MYL1: variants seen among roughly 807,000 people sequenced by gnomAD.
MYL1 encodes the protein myosin light chain 1/3, skeletal muscle isoform.
A neutral mutation model predicts 21.8 loss-of-function variants in MYL1; 16 were observed. That is an observed-to-expected ratio of 0.74 (90% CI 0.50 to 1.12). The LOEUF (loss-of-function observed/expected upper bound fraction) is 1.12. Among genes scored for constraint, MYL1 ranks in the 50% most tolerant of loss-of-function variants. The probability of loss-of-function intolerance (pLI) is 0.00; values close to 1 mark genes in which losing one functional copy is unlikely to be tolerated. For synonymous variants in MYL1, 99 were observed against 85.2 expected (o/e 1.16, Z -0.89); for missense variants, 246 against 241.0 (o/e 1.02, Z -0.14).
chr2:210,314,856 G>A, intron 1 of MYL1, 55 bp downstream of exon 1: 1 of 1,599,708 alleles, frequency 6.3e-7, no homozygotes, highest in Non-Finnish European at 8.6e-7. Context: ...AGTTCCTAGA[G>A]ATCCTTACTA....
Position 210,306,720 on chromosome 2 carries a change from C to CT in MYL1, c.133-4206dup, listed in dbSNP as rs747993827. 3.4e-3 allele frequency among the ~76,000 whole-genome samples: 485 copies of CT among 143,044 alleles called. 3 individuals are homozygous for CT. The highest frequency in any genetic ancestry group is 0.011 in the East Asian group (53 of 4,928). The allele number at this position is 143,044 out of a possible 152,430, so 93.8% of individuals were successfully genotyped here. A position where few individuals can be genotyped will look rare whatever the true frequency, so the allele number is the denominator to read the frequency against. Reference sequence around the variant, plus strand: ...AATCCAATTTTTTTCCTCTGGCACACTTTTTTTTTTTTTTGAGATGGAGTT... The same window carrying CT: ...AATCCAATTTTTTTCCTCTGGCACACTTTTTTTTTTTTTTTGAGATGGAGTT... On this transcript the variant is annotated intron_variant, in intron 1 of 6. Transcript: ENST00000352451.
intron 1 of MYL1, among the ~76,000 whole-genome samples, chr2:210,313,429 G>A (rs1455155916): frequency 5.3e-5 from 8 of 151,934 alleles, no homozygotes; most frequent in Non-Finnish European, 1.2e-4. Context: ...TAGACAGTAT[G>A]CATCTATAAA....
In MYL1 at chr2:210,302,528, A is replaced by G. The variant is rs1415622834; in HGVS notation, c.133-13T>C. 2 of 1,608,364 alleles carry G rather than the reference A, an allele frequency of 1.2e-6. No homozygotes were observed. The highest frequency in any genetic ancestry group is 1.7e-6 in the Non-Finnish European group (2 of 1,178,406). Reference sequence around the variant, plus strand: ...TAGAGAACTCGATCTGTTAGAAAGAAATTGACCACAAAGAATGTTTTAACC... The same window carrying G: ...TAGAGAACTCGATCTGTTAGAAAGAGATTGACCACAAAGAATGTTTTAACC... On this transcript the variant is annotated splice_polypyrimidine_tract_variant and intron_variant, in intron 1 of 6. Coordinates refer to ENST00000352451, the MANE Select transcript of MYL1 (RefSeq NM_079420.3).
intron 1 of MYL1, among the ~76,000 whole-genome samples, chr2:210,306,482 G>T (rs1218700785): frequency 6.6e-6 from 1 of 152,096 alleles, no homozygotes; most frequent in Non-Finnish European, 1.5e-5. Context: ...CAGTTAAGTG[G>T]TATGCAGTTG....
chr2:210,303,320 A>C (rs2125742305), intron 1 of MYL1, among the ~76,000 whole-genome samples: 1 of 152,342 alleles, frequency 6.6e-6, no homozygotes, highest in Non-Finnish European at 1.5e-5. Flanking sequence ...TGAAGCATAA[A>C]GCACAGCTCT....
At chr2:210,304,886 G>C (rs943185804) in intron 1 of MYL1, among the ~76,000 whole-genome samples, 1 of 152,152 alleles carries the variant, frequency 6.6e-6, no homozygotes, top group Non-Finnish European at 1.5e-5. Context: ...CCAGCAATGG[G>C]TTTTCATGGT....
intron 5 of MYL1, 142 bp from the exon 6 acceptor site, chr2:210,291,216 A>C: frequency 3.1e-6 from 2 of 641,128 alleles, no homozygotes; most frequent in Non-Finnish European, 5.4e-6. Flanking sequence ...AGGTGTGTAT[A>C]GCTCATAATT....
At position 210,315,046 on chromosome 2, in the gene MYL1, T is replaced by G; in HGVS notation, c.-4A>C. 1.3e-6 allele frequency: 2 copies of G among 1,592,888 alleles called. No individual in the cohort carries two copies. Among genetic ancestry groups the G allele is most frequent in the Non-Finnish European group, 1.7e-6 (2 of 1,174,908 alleles). ...TCACGTCTTTCTTTGGTGCCATTTT[T>G]TTTTTTAAAAGGGTGGGTTAAAAAG... On this transcript the variant is annotated 5_prime_UTR_variant, in exon 1 of 7. Transcript: ENST00000352451.
intron 2 of MYL1, among the ~76,000 whole-genome samples, chr2:210,300,608 ATTG>A (rs1421363644): frequency 2.6e-5 from 4 of 152,114 alleles, no homozygotes; most frequent in African/African-American, 9.7e-5. Flanking sequence ...TAATAATGGA[ATTG>A]TTGTCATTCT....
At chr2:210,297,804 T>C (rs1690200693) in intron 3 of MYL1, among the ~76,000 whole-genome samples, 1 of 151,756 alleles carries the variant, frequency 6.6e-6, no homozygotes, top group Non-Finnish European at 1.5e-5. Context: ...ACCCTGCTTC[T>C]GTCCACTCAT....
At chr2:210,294,106 G>T in intron 4 of MYL1, 139 bp downstream of exon 4, 4 of 923,694 alleles carry the variant, frequency 4.3e-6, no homozygotes, top group African/African-American at 1.7e-5. Context: ...AATTGAAATG[G>T]TCATTAACTT....
chr2:210,301,956 G>C (rs950398574), intron 2 of MYL1, among the ~76,000 whole-genome samples: 7 of 152,122 alleles, frequency 4.6e-5, no homozygotes, highest in African/African-American at 1.4e-4. Context: ...TAAACCAGGA[G>C]ACATTTAATG....
At chr2:210,290,752 G>A (rs1478259023) in intron 6 of MYL1, among the ~76,000 whole-genome samples, 2 of 152,048 alleles carry the variant, frequency 1.3e-5, no homozygotes, top group African/African-American at 4.8e-5. Context: ...TAATTAACTA[G>A]TCTCTGGTTT....
rs1690058373 is a variant in MYL1, at chr2:210,290,459, A to C, written c.*23T>G. ...AGTTTCCAGCCAGTCTTCCTAAACA[A>C]TGCTTGTTCTGTAAAGAAAAAGGGA... is the stretch of plus-strand genomic sequence containing the variant. On this transcript the variant is annotated 3_prime_UTR_variant, in exon 7 of 7. Transcript: ENST00000352451. 6.6e-6 allele frequency: 1 copy of C among 152,236 alleles called. No individual in the cohort carries two copies. The allele number at this position is 152,236 out of a possible 1,614,324, so 9.4% of individuals were successfully genotyped here. A position where few individuals can be genotyped will look rare whatever the true frequency, so the allele number is the denominator to read the frequency against.
Position 210,294,387 on chromosome 2 carries a change from T to C in MYL1, c.336A>G (p.Gln112=). ...ELNAKKIEFE[Q]FLPMMQAISN... The stretch of plus-strand genomic sequence containing the variant: ...AAATGGCTTGCATCATAGGCAGAAA[T>C]TGTTCAAACTCAATTTTCTTGGCAT... The change falls in exon 4 of 7, where the codon CAA becomes CAG. Residue 112 remains glutamine, a synonymous_variant. Transcript: ENST00000352451. 1 of 1,613,954 alleles carries C rather than the reference T, an allele frequency of 6.2e-7. No homozygotes were observed. Among genetic ancestry groups the C allele is most frequent in the Non-Finnish European group, 8.5e-7 (1 of 1,179,916 alleles).
intron 3 of MYL1, among the ~76,000 whole-genome samples, chr2:210,295,117 G>T (rs1690153106): frequency 6.6e-6 from 1 of 152,180 alleles, no homozygotes; most frequent in East Asian, 1.9e-4. Flanking sequence ...AATCTGGACA[G>T]TCTATTTTAT....
In MYL1 at chr2:210,294,616, A is replaced by G. The variant is rs145471728; in HGVS notation, c.305-198T>C. 5.8e-3 allele frequency among the ~76,000 whole-genome samples: 886 copies of G among 152,276 alleles called. 10 individuals carry two copies. The highest frequency in any genetic ancestry group is 0.019 in the African/African-American group (795 of 41,564). On this transcript the variant is annotated intron_variant, in intron 3 of 6. Coordinates refer to ENST00000352451, the MANE Select transcript of MYL1 (RefSeq NM_079420.3). ...CTGGAATTGCAGTTCCTGAGCTTTT[A>G]TTCCCAGTCTACCATTTGCAACTCT...
intron 1 of MYL1, among the ~76,000 whole-genome samples, chr2:210,311,228 A>G (rs1690414294): frequency 6.6e-6 from 1 of 152,078 alleles, no homozygotes; most frequent in Non-Finnish European, 1.5e-5. Flanking sequence ...GTTGGAAATG[A>G]GAAAAAAGAA....
intron 1 of MYL1, among the ~76,000 whole-genome samples, chr2:210,308,937 G>T (rs1391705454): frequency 1.3e-5 from 2 of 151,948 alleles, no homozygotes; most frequent in African/African-American, 2.4e-5. Flanking sequence ...TATTTGTCTG[G>T]AATAAAAGTT....
Sources: gnomAD v4.1 joint callset for allele counts (sites outside exome capture counted in the v4.1 genomes callset) on GRCh38, gnomAD v4.1.1 for gene constraint, MANE v1.5 for transcripts, NCBI Gene and HGNC (gene_info 2026-07-23, HGNC 2026-07-21) for gene names.